The following HPSE2 variants were observed in gnomAD, a reference collection of about 807,000 sequenced individuals.
HPSE2 encodes the protein inactive heparanase-2.
HPSE2 carries 38 observed loss-of-function variants against 60.5 expected under a neutral mutation model. The ratio of observed to expected loss-of-function variants is 0.63; its 90% CI spans 0.48 to 0.82. The LOEUF (loss-of-function observed/expected upper bound fraction) is 0.82. Ranked by LOEUF, HPSE2 falls within the 40% of genes least tolerant of loss-of-function variation. The probability of loss-of-function intolerance (pLI) is 0.00; values close to 1 mark genes in which losing one functional copy is unlikely to be tolerated. For missense variants in HPSE2, 713 were observed against 740.4 expected, an observed-to-expected ratio of 0.96 and a Z score of 0.43; for synonymous variants, 295 against 293.2, an observed-to-expected ratio of 1.01 and a Z score of -0.06.
At chr10:98,485,497 A>G (rs1408742839) in intron 10 of HPSE2, among the ~76,000 whole-genome samples, 1 of 152,220 alleles carries the variant, frequency 6.6e-6, no homozygotes, top group Admixed American at 6.5e-5. Flanking sequence ...TAGCTTTTGT[A>G]GCTAAATGAG....
intron 3 of HPSE2, among the ~76,000 whole-genome samples, chr10:98,864,411 C>T (rs1410802242): frequency 6.6e-6 from 1 of 152,164 alleles, no homozygotes; most frequent in Non-Finnish European, 1.5e-5. Context: ...CACACACACA[C>T]TCCACCAAGT....
At chr10:99,097,487 G>T (rs369556919) in intron 3 of HPSE2, among the ~76,000 whole-genome samples, 1 of 151,922 alleles carries the variant, frequency 6.6e-6, no homozygotes, top group Non-Finnish European at 1.5e-5. Context: ...CTTTCTTTTC[G>T]CAGTAAACTC....
rs142379763 is a variant in HPSE2, at chr10:99,024,193, C to A, written c.610+120045G>T. On this transcript the variant is annotated intron_variant, in intron 3 of 11. Coordinates refer to ENST00000370552, the MANE Select transcript of HPSE2 (RefSeq NM_021828.5). The stretch of plus-strand genomic sequence containing the variant: ...GAAGAAATTCTGGAGCTGAAAAATG[C>A]AATTGGTATACTGAAGAATGCATCA... 4.2e-3 allele frequency among the ~76,000 whole-genome samples: 643 copies of A among 152,066 alleles called. 2 individuals carry two copies. The highest frequency in any genetic ancestry group is 0.015 in the African/African-American group (616 of 41,490).
intron 9 of HPSE2, among the ~76,000 whole-genome samples, chr10:98,507,601 T>C (rs908694034): frequency 1.3e-5 from 2 of 152,178 alleles, no homozygotes; most frequent in African/African-American, 4.8e-5. Context: ...CAGACTCCTT[T>C]TTCATCCTTG....
intron 2 of HPSE2, among the ~76,000 whole-genome samples, chr10:99,184,819 T>TATATATATATATATATATATAC: frequency 5.0e-5 from 1 of 19,868 alleles, no homozygotes; most frequent in African/African-American, 1.7e-4. Flanking sequence ...TATATATATA[T>TATATATATATATATATATATAC]AGAGAGAGAG....
At chr10:99,287,893 A>G in the HPSE2 span, among the ~76,000 whole-genome samples, 2 of 152,184 alleles carry the variant, frequency 1.3e-5, no homozygotes, top group Admixed American at 6.5e-5. Context: ...CTGGTAGGGG[A>G]TCCTAAACCC....
chr10:99,314,824 T>G, the HPSE2 span, among the ~76,000 whole-genome samples: 1 of 152,210 alleles, frequency 6.6e-6, no homozygotes, highest in Admixed American at 6.5e-5. Flanking sequence ...GTCACAAAAT[T>G]TTTTGATCTC....
intron 9 of HPSE2, among the ~76,000 whole-genome samples, chr10:98,579,951 G>T (rs954264108): frequency 6.6e-6 from 1 of 152,138 alleles, no homozygotes; most frequent in African/African-American, 2.4e-5. Flanking sequence ...TGGACTATCT[G>T]CACTGTTAAG....
intron 3 of HPSE2, among the ~76,000 whole-genome samples, chr10:98,798,190 A>T (rs1337289830): frequency 7.1e-6 from 1 of 141,082 alleles, no homozygotes; most frequent in Non-Finnish European, 1.5e-5. Context: ...AATGCTAAAT[A>T]AAAAAAAAAA....
chr10:99,099,625 G>C (rs1041900258), intron 3 of HPSE2, among the ~76,000 whole-genome samples: 3 of 152,198 alleles, frequency 2.0e-5, no homozygotes, highest in African/African-American at 7.2e-5. Context: ...GTCCCTGTCT[G>C]ACAGCTTTGA....
At chr10:99,118,190 C>T (rs973931832) in intron 3 of HPSE2, among the ~76,000 whole-genome samples, 8 of 152,012 alleles carry the variant, frequency 5.3e-5, no homozygotes, top group African/African-American at 1.7e-4. Context: ...AAATTCAACA[C>T]CCCTTCATGT....
At chr10:99,041,200 C>T (rs1957731821) in intron 3 of HPSE2, among the ~76,000 whole-genome samples, 1 of 152,082 alleles carries the variant, frequency 6.6e-6, no homozygotes, top group South Asian at 2.1e-4. Context: ...CTAGAAGTAG[C>T]TAGTGCACAC....
intron 3 of HPSE2, among the ~76,000 whole-genome samples, chr10:98,813,375 T>G (rs988964111): frequency 6.6e-6 from 1 of 152,180 alleles, no homozygotes; most frequent in Non-Finnish European, 1.5e-5. Flanking sequence ...GTCTCCTTCA[T>G]AGGCAGAATC....
At chr10:99,146,574 A>G (rs938596241) in intron 2 of HPSE2, among the ~76,000 whole-genome samples, 1 of 152,222 alleles carries the variant, frequency 6.6e-6, no homozygotes, top group African/African-American at 2.4e-5. Context: ...AAGAAGCAAG[A>G]GTAGGGGTCG....
chr10:98,861,438 G>A (rs1952456168), intron 3 of HPSE2, among the ~76,000 whole-genome samples: 1 of 152,148 alleles, frequency 6.6e-6, no homozygotes, highest in African/African-American at 2.4e-5. Flanking sequence ...AGAGAGGCAA[G>A]GAAAGATGAA....
chr10:99,132,840 G>A (rs2135743850), intron 3 of HPSE2, among the ~76,000 whole-genome samples: 1 of 152,300 alleles, frequency 6.6e-6, no homozygotes, highest in Admixed American at 6.5e-5. Flanking sequence ...AGGTGCAGGA[G>A]TTATTTTTTT....
chr10:98,780,966 T>C (rs1216397857), intron 3 of HPSE2, among the ~76,000 whole-genome samples: 2 of 152,062 alleles, frequency 1.3e-5, no homozygotes, highest in Non-Finnish European at 2.9e-5. Flanking sequence ...GTAGGAGTGA[T>C]GTGCCACTTC....
At chr10:98,744,414 C>A (rs113695764) in intron 3 of HPSE2, among the ~76,000 whole-genome samples, 6 of 152,214 alleles carry the variant, frequency 3.9e-5, no homozygotes, top group African/African-American at 1.4e-4. Flanking sequence ...GTAGTCCCAG[C>A]TACTCAGAAG....
intron 3 of HPSE2, among the ~76,000 whole-genome samples, chr10:98,926,587 G>T (rs1954470648): frequency 6.6e-6 from 1 of 152,052 alleles, no homozygotes; most frequent in Non-Finnish European, 1.5e-5. Context: ...CCTTTTTATT[G>T]TCTTCCCTTC....
Sources: gnomAD v4.1 joint callset for allele counts (sites outside exome capture counted in the v4.1 genomes callset) on GRCh38, gnomAD v4.1.1 for gene constraint, MANE v1.5 for transcripts, NCBI Gene and HGNC (gene_info 2026-07-23, HGNC 2026-07-21) for gene names.